The following RAPGEF6 variants were observed in gnomAD, a reference collection of about 807,000 sequenced individuals.
The protein encoded by RAPGEF6 is PDZ domain containing guanine nucleotide exchange factor (GEF) 2.
RAPGEF6 carries 56 observed loss-of-function variants against 171.4 expected under a neutral mutation model. The observed-to-expected ratio is 0.33, with a 90% CI of 0.26 to 0.41. RAPGEF6 has a LOEUF of 0.41. Among genes scored for constraint, RAPGEF6 ranks in the 10% least tolerant of loss-of-function variants. The pLI, the probability that RAPGEF6 is intolerant of heterozygous loss-of-function variation, is 1.00. For synonymous variants in RAPGEF6, 692 were observed against 650.1 expected (o/e 1.06, Z -0.98); for missense variants, 1,674 against 1,921.4 (o/e 0.87, Z 2.41).
At chr5:131,464,004 T>A (rs1435444548) in intron 18 of RAPGEF6, 37 bp downstream of exon 18, 2 of 1,525,882 alleles carry the variant, frequency 1.3e-6, no homozygotes, top group African/African-American at 2.8e-5. Context: ...CAAAAGCACA[T>A]CTACAAATAA....
intron 16 of RAPGEF6, 71 bp downstream of exon 16, chr5:131,479,442 C>T (rs1163055945): frequency 1.3e-6 from 2 of 1,542,886 alleles, no homozygotes; most frequent in African/African-American, 2.7e-5. Context: ...ACCCAAGCCT[C>T]CCCCCACCCC....
chr5:131,598,615 C>T (rs1479675533), intron 3 of RAPGEF6, among the ~76,000 whole-genome samples: 11 of 152,138 alleles, frequency 7.2e-5, no homozygotes, highest in Non-Finnish European at 1.0e-4. Flanking sequence ...GAGTCTTCAA[C>T]ATAAATAGAA....
Position 131,536,174 on chromosome 5 carries a change from CTT to C in RAPGEF6, c.495+11871_495+11872del, listed in dbSNP as rs577475396. Among the ~76,000 whole-genome samples the C allele has an allele frequency of 8.5e-5, 13 of 152,230 alleles. No individual in the cohort carries two copies. In the South Asian group the frequency reaches 2.7e-3, roughly 32 times the overall value. ...TTATATTTGGTTTTTGAAATATAAA[CTT>C]AAATTGTACTGATTTACATAGTGAA... On this transcript the variant is annotated intron_variant, in intron 6 of 27. Transcript: ENST00000509018.
chr5:131,474,941 T>C (rs1318678916), intron 16 of RAPGEF6, among the ~76,000 whole-genome samples: 1 of 152,198 alleles, frequency 6.6e-6, no homozygotes, highest in Non-Finnish European at 1.5e-5. Flanking sequence ...GTTAAAAAGT[T>C]ACAATTTTCT....
chr5:131,608,878 G>A (rs1464821845), intron 1 of RAPGEF6, among the ~76,000 whole-genome samples: 10 of 151,616 alleles, frequency 6.6e-5, no homozygotes, highest in Non-Finnish European at 8.8e-5. Context: ...TCAAGCAATC[G>A]TCCCACCTCA....
intron 4 of RAPGEF6, among the ~76,000 whole-genome samples, chr5:131,568,091 C>G (rs1371718271): frequency 6.6e-6 from 1 of 152,160 alleles, no homozygotes; most frequent in African/African-American, 2.4e-5. Context: ...TTCCTGTATA[C>G]AGCAGATAAT....
At chr5:131,552,451 A>T (rs1048906607) in intron 5 of RAPGEF6, among the ~76,000 whole-genome samples, 5 of 151,964 alleles carry the variant, frequency 3.3e-5, no homozygotes, top group African/African-American at 1.2e-4. Flanking sequence ...ACTTCCTTAC[A>T]AAAATGCAAC....
At chr5:131,447,506 A>G (rs1752798036) in intron 21 of RAPGEF6, 1 of 152,180 alleles carries the variant, frequency 6.6e-6, no homozygotes, top group African/African-American at 2.4e-5. Flanking sequence ...TCCTACAACG[A>G]CTGCACATCT....
chr5:131,552,334 T>A (rs1428359163), intron 5 of RAPGEF6, among the ~76,000 whole-genome samples: 3 of 152,036 alleles, frequency 2.0e-5, no homozygotes, highest in Non-Finnish European at 4.4e-5. Flanking sequence ...CCACAAGGCA[T>A]CCTTCATCCA....
chr5:131,516,922 G>A (rs1242302923), intron 7 of RAPGEF6, among the ~76,000 whole-genome samples: 1 of 152,104 alleles, frequency 6.6e-6, no homozygotes, highest in Non-Finnish European at 1.5e-5. Context: ...TAGACCAGAA[G>A]ACATGAAAAC....
chr5:131,524,763 A>G (rs1474042138), intron 6 of RAPGEF6, among the ~76,000 whole-genome samples: 1 of 152,088 alleles, frequency 6.6e-6, no homozygotes, highest in Non-Finnish European at 1.5e-5. Flanking sequence ...TTACAGATGT[A>G]TACCACCATG....
intron 11 of RAPGEF6, among the ~76,000 whole-genome samples, chr5:131,504,053 T>G (rs534119277): frequency 1.3e-5 from 2 of 152,318 alleles, no homozygotes; most frequent in South Asian, 2.1e-4. Flanking sequence ...CCGCTCTCAG[T>G]GGCATACAAT....
intron 1 of RAPGEF6, among the ~76,000 whole-genome samples, chr5:131,626,340 G>A (rs1295873): frequency 0.91 from 139,051 of 152,096 alleles, 63,766 homozygotes; most frequent in Middle Eastern, 0.98. Context: ...ACCAATAGCT[G>A]TGATTTTTTT....
intron 6 of RAPGEF6, among the ~76,000 whole-genome samples, chr5:131,539,405 T>C (rs1322255906): frequency 2.6e-5 from 4 of 152,220 alleles, no homozygotes; most frequent in Non-Finnish European, 5.9e-5. Context: ...ACAATAGTGC[T>C]TACACCTCCT....
chr5:131,614,115 C>G (rs540725321), intron 1 of RAPGEF6, among the ~76,000 whole-genome samples: 1 of 151,998 alleles, frequency 6.6e-6, no homozygotes, highest in East Asian at 1.9e-4. Flanking sequence ...AACCCCATCT[C>G]TACTAAAAAT....
intron 1 of RAPGEF6, among the ~76,000 whole-genome samples, chr5:131,611,327 T>G (rs985063177): frequency 6.6e-6 from 1 of 152,208 alleles, no homozygotes; most frequent in Non-Finnish European, 1.5e-5. Flanking sequence ...TTTTCTATAC[T>G]TTTTGTTGGA....
At chr5:131,619,754 T>C (rs1439629002) in intron 1 of RAPGEF6, among the ~76,000 whole-genome samples, 1 of 152,222 alleles carries the variant, frequency 6.6e-6, no homozygotes, top group East Asian at 1.9e-4. Flanking sequence ...TGTCATTCTC[T>C]CTCCTATCCC....
At chr5:131,444,165 A>G (rs1227230484) in intron 22 of RAPGEF6, among the ~76,000 whole-genome samples, 2 of 152,218 alleles carry the variant, frequency 1.3e-5, no homozygotes, top group African/African-American at 4.8e-5. Context: ...CAACACAGCT[A>G]TAATAGCTAT....
chr5:131,454,540 A>G (rs1753345859), intron 20 of RAPGEF6, among the ~76,000 whole-genome samples: 1 of 152,214 alleles, frequency 6.6e-6, no homozygotes, highest in Non-Finnish European at 1.5e-5. Context: ...AAAAACAATG[A>G]GAACTCTGGA....
Sources: allele counts gnomAD v4.1 joint callset (sites outside exome capture counted in the v4.1 genomes callset), GRCh38; gene constraint gnomAD v4.1.1; transcripts MANE v1.5; gene names NCBI Gene and HGNC (gene_info 2026-07-23, HGNC 2026-07-21).